Variants in GAS7 observed in about 807,000 individuals in gnomAD.
GAS7 encodes the protein growth arrest specific 7.
In GAS7, 28 loss-of-function variants were observed where a neutral mutation model predicts 71.1. The observed-to-expected ratio is 0.39, with a 90% CI of 0.29 to 0.54. The LOEUF is 0.54. Ranked by LOEUF, GAS7 falls within the 20% of genes least tolerant of loss-of-function variation. The probability of loss-of-function intolerance (pLI) is 0.62; values close to 1 mark genes in which losing one functional copy is unlikely to be tolerated. For missense variants in GAS7, 436 were observed against 627.8 expected (o/e 0.69, Z 3.27); for synonymous variants, 258 against 245.8 (o/e 1.05, Z -0.46).
At chr17:10,150,410 T>G (rs1317762526) in intron 1 of GAS7, among the ~76,000 whole-genome samples, 1 of 92,302 alleles carries the variant, frequency 1.1e-5, no homozygotes, top group Non-Finnish European at 2.0e-5. Context: ...TCTCAACTGG[T>G]TAAGTACACA....
chr17:10,127,166 A>G (rs6503287), intron 1 of GAS7, among the ~76,000 whole-genome samples: 146,739 of 152,274 alleles, frequency 0.96, 70,708 homozygotes, highest in South Asian at 0.98. Context: ...TGCATTTTGA[A>G]CCCTAAATCA....
intron 1 of GAS7, among the ~76,000 whole-genome samples, chr17:10,093,090 T>C (rs1453369032): frequency 2.0e-5 from 3 of 152,234 alleles, no homozygotes; most frequent in Non-Finnish European, 4.4e-5. Flanking sequence ...TGCTCACTTA[T>C]GTCAATGTCG....
chr17:10,085,105 T>A (rs923731248), intron 1 of GAS7, among the ~76,000 whole-genome samples: 2 of 152,214 alleles, frequency 1.3e-5, no homozygotes, highest in Non-Finnish European at 2.9e-5. Context: ...TTGGTTTCTA[T>A]CTGTTTTCAG....
chr17:9,932,359 T>A (rs569451700), intron 9 of GAS7, among the ~76,000 whole-genome samples: 1 of 152,232 alleles, frequency 6.6e-6, no homozygotes, highest in East Asian at 1.9e-4. Flanking sequence ...CAAGCCCAGC[T>A]AATTTTTGTA....
At chr17:10,145,420 G>A (rs757193204) in intron 1 of GAS7, among the ~76,000 whole-genome samples, 10 of 152,228 alleles carry the variant, frequency 6.6e-5, no homozygotes, top group Non-Finnish European at 1.3e-4. Context: ...GACCCGAAGA[G>A]CTCTCCAGGC....
intron 1 of GAS7, among the ~76,000 whole-genome samples, chr17:10,113,558 G>A (rs541989791): frequency 6.6e-6 from 1 of 152,292 alleles, no homozygotes; most frequent in South Asian, 2.1e-4. Context: ...CACCAGCAAG[G>A]TGCAGAAGTA....
chr17:10,046,316 C>A (rs577220461), intron 1 of GAS7, among the ~76,000 whole-genome samples: 9 of 151,438 alleles, frequency 5.9e-5, no homozygotes, highest in African/African-American at 2.2e-4. Context: ...CCTATCAAAC[C>A]AGCAATAAGA....
At chr17:9,961,375 G>A (rs2069485932) in intron 4 of GAS7, among the ~76,000 whole-genome samples, 1 of 152,206 alleles carries the variant, frequency 6.6e-6, no homozygotes, top group Non-Finnish European at 1.5e-5. Flanking sequence ...TCTCTCCATA[G>A]GTTCATTCAC....
At chr17:10,158,846 G>C (rs944040255) in intron 1 of GAS7, among the ~76,000 whole-genome samples, 2 of 151,400 alleles carry the variant, frequency 1.3e-5, no homozygotes, top group East Asian at 3.9e-4. Context: ...TTTGAGCTGA[G>C]GAGTTCAAGA....
chr17:9,944,357 G>C (rs2152095067), intron 6 of GAS7, among the ~76,000 whole-genome samples: 1 of 152,336 alleles, frequency 6.6e-6, no homozygotes, highest in Non-Finnish European at 1.5e-5. Flanking sequence ...CCCAGAGAGA[G>C]AGGTGCATTG....
chr17:9,982,784 AG>A, intron 2 of GAS7, among the ~76,000 whole-genome samples: 1 of 119,636 alleles, frequency 8.4e-6, no homozygotes. Context: ...TCAAAAAAAA[AG>A]AAAGAAAGAA....
At chr17:10,193,560 C>T (rs34723702) in intron 1 of GAS7, among the ~76,000 whole-genome samples, 25,654 of 152,154 alleles carry the variant, frequency 0.17, 2,581 homozygotes, top group Middle Eastern at 0.26. Flanking sequence ...AACGATATGC[C>T]AGTTCTGGGC....
intron 2 of GAS7, among the ~76,000 whole-genome samples, chr17:10,015,927 C>G (rs1446574329): frequency 6.6e-6 from 1 of 152,116 alleles, no homozygotes; most frequent in Non-Finnish European, 1.5e-5. Flanking sequence ...CCTGATTGAT[C>G]AAATAGGTTT....
At chr17:10,051,924 CT>C (rs1285821907) in intron 1 of GAS7, among the ~76,000 whole-genome samples, 1 of 152,126 alleles carries the variant, frequency 6.6e-6, no homozygotes, top group East Asian at 1.9e-4. Flanking sequence ...TAGATCTTAT[CT>C]TTTTGTTGTT....
intron 2 of GAS7, among the ~76,000 whole-genome samples, chr17:9,990,336 G>C (rs951287065): frequency 3.3e-5 from 5 of 152,190 alleles, no homozygotes; most frequent in South Asian, 2.1e-4. Flanking sequence ...TCCTTGCCAC[G>C]GGCTCTGCAC....
chr17:9,950,805 G>A (rs186391621), intron 5 of GAS7, among the ~76,000 whole-genome samples: 118 of 151,872 alleles, frequency 7.8e-4, no homozygotes, highest in African/African-American at 2.7e-3. Context: ...GCAGTGAGCC[G>A]AGATCGCGCC....
chr17:10,158,672 G>C (rs1015293552), intron 1 of GAS7, among the ~76,000 whole-genome samples: 1 of 151,900 alleles, frequency 6.6e-6, no homozygotes, highest in African/African-American at 2.4e-5. Context: ...TGTTAATGGC[G>C]GAATCTGATG....
chr17:10,153,223 T>G (rs868289917), intron 1 of GAS7, among the ~76,000 whole-genome samples: 2 of 20,826 alleles, frequency 9.6e-5, no homozygotes, highest in African/African-American at 3.7e-4. Context: ...AAAAAAACAC[T>G]GGGCGTGGTG....
intron 1 of GAS7, among the ~76,000 whole-genome samples, chr17:10,140,589 T>C (rs1051260287): frequency 6.7e-6 from 1 of 148,812 alleles, no homozygotes; most frequent in South Asian, 2.1e-4. Flanking sequence ...CTAGTGTATG[T>C]GTCTACAACT....
Sources: gnomAD v4.1 joint callset for allele counts (sites outside exome capture counted in the v4.1 genomes callset) on GRCh38, gnomAD v4.1.1 for gene constraint, MANE v1.5 for transcripts, NCBI Gene and HGNC (gene_info 2026-07-23, HGNC 2026-07-21) for gene names.